ADGRL3: variants seen among roughly 807,000 people sequenced by gnomAD.
The protein encoded by ADGRL3 is calcium-independent alpha-latrotoxin receptor 3.
A neutral mutation model predicts 153.5 loss-of-function variants in ADGRL3; 62 were observed. The ratio of observed to expected loss-of-function variants is 0.40; its 90% CI spans 0.33 to 0.50. The LOEUF (loss-of-function observed/expected upper bound fraction) is 0.50, where lower values mean the gene tolerates loss of function less well. Among genes scored for constraint, ADGRL3 ranks in the 20% least tolerant of loss-of-function variants. The probability of loss-of-function intolerance (pLI) is 0.47; values close to 1 mark genes in which losing one functional copy is unlikely to be tolerated. For synonymous variants in ADGRL3, 710 were observed against 672.5 expected, an observed-to-expected ratio of 1.06 and a Z score of -0.86; for missense variants, 1,641 against 1,859.4, an observed-to-expected ratio of 0.88 and a Z score of 2.16.
chr4:61,282,405 C>T (rs956068817), intron 1 of ADGRL3, among the ~76,000 whole-genome samples: 5 of 151,788 alleles, frequency 3.3e-5, no homozygotes, highest in Admixed American at 2.0e-4. Context: ...ATTTAAAATC[C>T]GCATTTGGTT....
At chr4:61,476,270 G>T (rs1171527170) in intron 2 of ADGRL3, among the ~76,000 whole-genome samples, 6 of 151,872 alleles carry the variant, frequency 4.0e-5, no homozygotes. Flanking sequence ...TGTCGCCCAG[G>T]CTGGAGTGCA....
Position 62,071,679 on chromosome 4 carries a change from T to C in ADGRL3, c.*771T>C. The C allele has an allele frequency of 2.5e-6, 1 of 406,928 alleles. No individual in the cohort carries two copies. Among genetic ancestry groups the C allele is most frequent in the Non-Finnish European group, 4.7e-6 (1 of 212,336 alleles). The allele number at this position is 406,928 out of a possible 1,614,324, so 25.2% of individuals were successfully genotyped here. A position where few individuals can be genotyped will look rare whatever the true frequency, so the allele number is the denominator to read the frequency against. On this transcript the variant is annotated 3_prime_UTR_variant, in exon 27 of 27. Coordinates refer to ENST00000683033, the MANE Select transcript of ADGRL3 (RefSeq NM_001387552.1). ...TTTTCTTTTTCTTTTGTGCTGGTCT[T>C]GCAAGTTTGTCTACCAGTAAGAGAG...
chr4:61,387,139 C>T (rs1191468898), intron 2 of ADGRL3, among the ~76,000 whole-genome samples: 3 of 151,936 alleles, frequency 2.0e-5, no homozygotes, highest in Admixed American at 6.6e-5. Flanking sequence ...TGGTAGGACC[C>T]GTGATACCCT....
Position 61,340,400 on chromosome 4 carries a change from G to A in ADGRL3, c.-239-42724G>A, listed in dbSNP as rs544926166. On this transcript the variant is annotated intron_variant, in intron 1 of 26. Coordinates refer to ENST00000683033, the MANE Select transcript of ADGRL3 (RefSeq NM_001387552.1). ...ATAACTTGTCTTACTTTGGGAGCATGGGGTCAGTGGGATAGGCATTCTCTT... is the reference window on the plus strand; with the variant it reads ...ATAACTTGTCTTACTTTGGGAGCATAGGGTCAGTGGGATAGGCATTCTCTT... Among the ~76,000 whole-genome samples, 261 of 151,968 alleles carry A rather than the reference G, an allele frequency of 1.7e-3. 1 individual carries two copies. Among genetic ancestry groups the A allele is most frequent in the African/African-American group, 6.2e-3 (257 of 41,444 alleles).
At chr4:61,239,100 C>T (rs1037113634) in intron 1 of ADGRL3, among the ~76,000 whole-genome samples, 1 of 152,044 alleles carries the variant, frequency 6.6e-6, no homozygotes, top group Non-Finnish European at 1.5e-5. Context: ...GATTGGTTGT[C>T]CTTACTAAAA....
chr4:61,868,487 C>T (rs533395484), intron 9 of ADGRL3, among the ~76,000 whole-genome samples: 23 of 152,234 alleles, frequency 1.5e-4, no homozygotes, highest in Admixed American at 9.8e-4. Context: ...CAAATCCCTG[C>T]TTGACATCTC....
intron 1 of ADGRL3, among the ~76,000 whole-genome samples, chr4:61,282,838 T>A (rs2093779529): frequency 6.6e-6 from 1 of 152,066 alleles, no homozygotes; most frequent in African/African-American, 2.4e-5. Flanking sequence ...ACAATGGAAA[T>A]TAAATAAATT....
intron 5 of ADGRL3, among the ~76,000 whole-genome samples, chr4:61,655,101 T>A (rs1309298836): frequency 6.6e-6 from 1 of 152,086 alleles, no homozygotes; most frequent in Non-Finnish European, 1.5e-5. Flanking sequence ...AATATTGTGT[T>A]CTTTGTGGCC....
Position 61,726,138 on chromosome 4 carries a change from G to A in ADGRL3, c.584-4484G>A, listed in dbSNP as rs189991064. 2.0e-5 allele frequency among the ~76,000 whole-genome samples: 3 copies of A among 150,528 alleles called. No homozygotes were observed. The East Asian group carries it at 5.9e-4, about 29-fold the overall frequency. On this transcript the variant is annotated intron_variant, in intron 6 of 26. Transcript: ENST00000683033. ...ATTCATTGTTCTGGAGAACCTAAATGCTCCAAAATCTGAAAATTTTTTAGT... is the reference window on the plus strand; with the variant it reads ...ATTCATTGTTCTGGAGAACCTAAATACTCCAAAATCTGAAAATTTTTTAGT...
chr4:61,300,324 A>G (rs1448769487), intron 1 of ADGRL3, among the ~76,000 whole-genome samples: 1 of 152,212 alleles, frequency 6.6e-6, no homozygotes, highest in African/African-American at 2.4e-5. Flanking sequence ...CTGATTCAGG[A>G]TTAATATCAA....
chr4:61,760,369 C>T, intron 8 of ADGRL3, among the ~76,000 whole-genome samples: 1 of 149,498 alleles, frequency 6.7e-6, no homozygotes, highest in South Asian at 2.1e-4. Context: ...GGGCGCCCCT[C>T]CCCCAGTCTC....
chr4:61,295,820 A>G (rs1387534237), intron 1 of ADGRL3, among the ~76,000 whole-genome samples: 3 of 149,112 alleles, frequency 2.0e-5, no homozygotes, highest in African/African-American at 7.3e-5. Flanking sequence ...AAAAAAAAAG[A>G]AAAAAGTCCA....
intron 19 of ADGRL3, among the ~76,000 whole-genome samples, chr4:61,986,469 G>T (rs2150918982): frequency 6.6e-6 from 1 of 152,236 alleles, no homozygotes; most frequent in South Asian, 2.1e-4. Flanking sequence ...GTAGCCTCTT[G>T]TGGCTTTGTT....
At chr4:61,826,878 G>T (rs1248240401) in intron 9 of ADGRL3, among the ~76,000 whole-genome samples, 1 of 151,550 alleles carries the variant, frequency 6.6e-6, no homozygotes, top group Non-Finnish European at 1.5e-5. Context: ...TAACAAGCCT[G>T]CACGTTGTGC....
intron 8 of ADGRL3, among the ~76,000 whole-genome samples, chr4:61,806,889 T>G (rs1360251898): frequency 1.3e-5 from 2 of 152,146 alleles, no homozygotes; most frequent in Non-Finnish European, 2.9e-5. Context: ...AATTTTGTCT[T>G]GCATAGTCAC....
chr4:61,855,723 A>C (rs2098255840), intron 9 of ADGRL3, among the ~76,000 whole-genome samples: 1 of 152,130 alleles, frequency 6.6e-6, no homozygotes, highest in Admixed American at 6.5e-5. Flanking sequence ...AAGAAAAAAA[A>C]ATACTTGCCT....
At chr4:61,736,813 T>C (rs2096523291) in intron 8 of ADGRL3, among the ~76,000 whole-genome samples, 1 of 152,202 alleles carries the variant, frequency 6.6e-6, no homozygotes, top group South Asian at 2.1e-4. Context: ...GTTTTACAAA[T>C]AGTGAAATTT....
intron 5 of ADGRL3, among the ~76,000 whole-genome samples, chr4:61,651,148 T>G (rs2094232254): frequency 6.6e-6 from 1 of 152,158 alleles, no homozygotes; most frequent in Non-Finnish European, 1.5e-5. Flanking sequence ...TGGAGGCATT[T>G]TCTATATGAG....
Position 61,495,550 on chromosome 4 carries a change from G to A in ADGRL3, c.-173-1571G>A, listed in dbSNP as rs185122861. 3.3e-3 allele frequency among the ~76,000 whole-genome samples: 496 copies of A among 151,840 alleles called. 4 individuals are homozygous for A. Among genetic ancestry groups the A allele is most frequent in the Non-Finnish European group, 4.8e-3 (326 of 67,900 alleles). On this transcript the variant is annotated intron_variant, in intron 2 of 26. Coordinates refer to ENST00000683033, the MANE Select transcript of ADGRL3 (RefSeq NM_001387552.1). ...AGAATGGAAGGAAGAAAGGAAGGAAGGAAGGCCCAATTTGTGCTTGATTGA... is the reference window on the plus strand; with the variant it reads ...AGAATGGAAGGAAGAAAGGAAGGAAAGAAGGCCCAATTTGTGCTTGATTGA...
Sources: gnomAD v4.1 joint callset for allele counts (sites outside exome capture counted in the v4.1 genomes callset) on GRCh38, gnomAD v4.1.1 for gene constraint, MANE v1.5 for transcripts, NCBI Gene and HGNC (gene_info 2026-07-23, HGNC 2026-07-21) for gene names.